LZTS1: variants seen among roughly 807,000 people sequenced by gnomAD.
LZTS1 encodes the protein leucine zipper putative tumor suppressor 1.
A neutral mutation model predicts 45.8 loss-of-function variants in LZTS1; 31 were observed. The observed-to-expected ratio is 0.68, with a 90% CI of 0.51 to 0.91. LZTS1 has a LOEUF of 0.91. Among genes scored for constraint, LZTS1 ranks in the 40% least tolerant of loss-of-function variants. LZTS1 has a pLI of 0.00. For missense variants in LZTS1, 821 were observed against 788.9 expected (o/e 1.04, Z -0.49); for synonymous variants, 359 against 357.3 (o/e 1.00, Z -0.05).
chr8:20,293,224 C>T (rs1175623363), intron 1 of LZTS1, among the ~76,000 whole-genome samples: 5 of 152,140 alleles, frequency 3.3e-5, no homozygotes, highest in Admixed American at 1.3e-4. Flanking sequence ...TGCTCTAGGC[C>T]GCCCCTCTGC....
At chr8:20,276,183 A>G (rs1404590453) in intron 1 of LZTS1, among the ~76,000 whole-genome samples, 6 of 152,102 alleles carry the variant, frequency 3.9e-5, no homozygotes, top group Non-Finnish European at 7.3e-5. Context: ...ATATTATAAA[A>G]TATATATTTG....
intron 1 of LZTS1, among the ~76,000 whole-genome samples, chr8:20,286,227 T>C (rs1800789446): frequency 6.6e-6 from 1 of 152,178 alleles, no homozygotes; most frequent in South Asian, 2.1e-4. Flanking sequence ...AGGAGATATC[T>C]ACAATACACA....
In LZTS1 at chr8:20,303,957, C is replaced by T. The variant is rs1204170657; in HGVS notation, c.-352G>A. On this transcript the variant is annotated 5_prime_UTR_variant, in exon 1 of 4. Transcript: ENST00000381569. ...AACCCGCCAGCTCCAGGCGCGCCGG[C>T]CTCTGCGCGGGTCCCGGAGCCGGGG... 203 of 959,686 alleles carry T rather than the reference C, an allele frequency of 2.1e-4. No homozygotes were observed. The highest frequency in any genetic ancestry group is 2.5e-4 in the Non-Finnish European group (199 of 808,020). 59.4% of individuals were successfully genotyped at this position (959,686 alleles called of 1,614,324 possible). A position where few individuals can be genotyped will look rare whatever the true frequency, so the allele number is the denominator to read the frequency against.
intron 1 of LZTS1, among the ~76,000 whole-genome samples, chr8:20,301,081 A>T (rs186235994): frequency 8.2e-4 from 120 of 146,058 alleles, no homozygotes; most frequent in African/African-American, 2.9e-3. Context: ...AGATCGCACC[A>T]CTGCACTCCA....
Position 20,255,067 on chromosome 8 carries a change from C to G in LZTS1, c.115G>C (p.Asp39His). ...SHLKKLNRYS[D>H]GLLRFGFSQD... ...GAGAAGCCAAACCTCAGCAGCCCGT[C>G]GGAATACCGGTTGAGCTTCTTGAGG... The change falls in exon 2 of 4, where the codon GAC (aspartate) becomes CAC (histidine). Residue 39 changes from aspartate (D) to histidine (H), a missense_variant. Asp to His is a moderately conservative substitution (Grantham distance 81). Transcript: ENST00000381569. 6.2e-7 allele frequency: 1 copy of G among 1,614,202 alleles called. No homozygotes were observed. Among genetic ancestry groups the G allele is most frequent in the Non-Finnish European group, 8.5e-7 (1 of 1,180,042 alleles).
chr8:20,284,943 C>A (rs1159957095), intron 1 of LZTS1, among the ~76,000 whole-genome samples: 1 of 152,136 alleles, frequency 6.6e-6, no homozygotes, highest in Non-Finnish European at 1.5e-5. Context: ...AGGCTGTGAT[C>A]GAAACTGATC....
At chr8:20,281,375 C>G (rs542649927) in intron 1 of LZTS1, among the ~76,000 whole-genome samples, 2 of 142,402 alleles carry the variant, frequency 1.4e-5, no homozygotes, top group Non-Finnish European at 3.0e-5. Context: ...GCCTGGCCAA[C>G]ATGGTGAAAC....
At chr8:20,282,786 G>A (rs1800718942) in intron 1 of LZTS1, among the ~76,000 whole-genome samples, 1 of 152,144 alleles carries the variant, frequency 6.6e-6, no homozygotes, top group African/African-American at 2.4e-5. Context: ...TTAGGTGGGT[G>A]GGTAGGGGGC....
intron 1 of LZTS1, among the ~76,000 whole-genome samples, chr8:20,268,242 G>A (rs1165708233): frequency 6.7e-6 from 1 of 148,228 alleles, no homozygotes; most frequent in Non-Finnish European, 1.5e-5. Flanking sequence ...TTGCAGAGAT[G>A]TGAGAACAGT....
chr8:20,266,243 T>C (rs1251434585), intron 1 of LZTS1, among the ~76,000 whole-genome samples: 1 of 152,084 alleles, frequency 6.6e-6, no homozygotes, highest in Non-Finnish European at 1.5e-5. Context: ...CCTAGGCTGG[T>C]CTCAAACTCC....
At chr8:20,288,387 C>A (rs80181764) in intron 1 of LZTS1, among the ~76,000 whole-genome samples, 1 of 152,132 alleles carries the variant, frequency 6.6e-6, no homozygotes, top group Non-Finnish European at 1.5e-5. Flanking sequence ...AGAGGCGATG[C>A]GCAAGTGGAA....
At chr8:20,260,642 C>T (rs901776584) in intron 1 of LZTS1, among the ~76,000 whole-genome samples, 1 of 152,238 alleles carries the variant, frequency 6.6e-6, no homozygotes, top group Admixed American at 6.5e-5. Context: ...AGCCGAGCTT[C>T]ATTTCCCTTT....
chr8:20,289,268 A>G (rs1024921537), intron 1 of LZTS1: 1 of 151,970 alleles, frequency 6.6e-6, no homozygotes, highest in Non-Finnish European at 1.5e-5. Context: ...AAATTTCCTG[A>G]GGACAGACCC....
Position 20,259,867 on chromosome 8 carries a change from C to G in LZTS1, c.-134-4552G>C, listed in dbSNP as rs185321654. ...CTGTTTATTCCCTGTGTAAGGCTTGCTCTCACCTGTACTAATCTTATTATT... is the reference window on the plus strand; with the variant it reads ...CTGTTTATTCCCTGTGTAAGGCTTGGTCTCACCTGTACTAATCTTATTATT... On this transcript the variant is annotated intron_variant, in intron 1 of 3. Coordinates refer to ENST00000381569, the MANE Select transcript of LZTS1 (RefSeq NM_021020.5). Among the ~76,000 whole-genome samples, 716 of 145,252 alleles carry G rather than the reference C, an allele frequency of 4.9e-3. 7 individuals carry two copies. Among genetic ancestry groups the G allele is most frequent in the African/African-American group, 0.018 (693 of 37,990 alleles).
intron 1 of LZTS1, among the ~76,000 whole-genome samples, chr8:20,266,729 G>A (rs1800365193): frequency 6.6e-6 from 1 of 152,234 alleles, no homozygotes; most frequent in African/African-American, 2.4e-5. Context: ...GCTTTCTTAG[G>A]AATGTGCTGA....
rs1340988878 is a variant in LZTS1, at chr8:20,279,687, A to AAG, written c.-135+24052_-135+24053insCT. ...ATGGAGCAAGACCCTGTCTCAAAAA[A>AAG]AAAAAAAAAAAAAAAGAGGCTGAGC... On this transcript the variant is annotated intron_variant, in intron 1 of 3. Transcript: ENST00000381569. Among the ~76,000 whole-genome samples, 14 of 141,114 alleles carry AAG rather than the reference A, an allele frequency of 9.9e-5. 1 individual carries two copies. The highest frequency in any genetic ancestry group is 4.4e-4 in the African/African-American group (14 of 32,162). The allele number at this position is 141,114 out of a possible 152,430, so 92.6% of individuals were successfully genotyped here. A position where few individuals can be genotyped will look rare whatever the true frequency, so the allele number is the denominator to read the frequency against.
chr8:20,262,259 C>T (rs1408652525), intron 1 of LZTS1, among the ~76,000 whole-genome samples: 5 of 152,204 alleles, frequency 3.3e-5, no homozygotes, highest in Non-Finnish European at 7.3e-5. Context: ...TGTGGGGGAA[C>T]ATTTAGTCAT....
At chr8:20,260,881 T>G (rs73607954) in intron 1 of LZTS1, among the ~76,000 whole-genome samples, 2 of 152,158 alleles carry the variant, frequency 1.3e-5, no homozygotes, top group Non-Finnish European at 2.9e-5. Context: ...AGAGGAGCTT[T>G]GAAGTTTGAG....
rs972414469 is a variant in LZTS1, at chr8:20,253,605, C to T, written c.346-20G>A. 12 of 1,433,886 alleles carry T rather than the reference C, an allele frequency of 8.4e-6. No homozygotes were observed. The highest frequency in any genetic ancestry group is 2.8e-5 in the Admixed American group (1 of 35,306). 88.8% of individuals were successfully genotyped at this position (1,433,886 alleles called of 1,614,324 possible). A position where few individuals can be genotyped will look rare whatever the true frequency, so the allele number is the denominator to read the frequency against. ...GGAGCCCTGTAGAGGAAAAGGACCG[C>T]GGTGACTCATGCCTCCCCTGCGCGC... On this transcript the variant is annotated intron_variant, in intron 2 of 3. Coordinates refer to ENST00000381569, the MANE Select transcript of LZTS1 (RefSeq NM_021020.5).
Sources: allele counts gnomAD v4.1 joint callset (sites outside exome capture counted in the v4.1 genomes callset), GRCh38; gene constraint gnomAD v4.1.1; transcripts MANE v1.5; gene names NCBI Gene and HGNC (gene_info 2026-07-23, HGNC 2026-07-21).